The following MIAT variants were observed in gnomAD, a reference collection of about 807,000 sequenced individuals.
MIAT encodes myocardial infarction associated transcript, also known as MI related novel mRNA.
chr22:26,668,521 C>T lies in MIAT; in HGVS notation n.2626C>T, dbSNP rs1930932704. 2.5e-5 allele frequency: 10 copies of T among 398,992 alleles called. No individual in the cohort carries two copies. In the South Asian group the frequency reaches 5.1e-4, roughly 20 times the overall value. 24.7% of individuals were successfully genotyped at this position (398,992 alleles called of 1,614,324 possible). On this transcript the variant is annotated non_coding_transcript_exon_variant, in exon 6 of 6. Coordinates refer to ENST00000643270, the Ensembl canonical transcript of MIAT. ...GCCCCATGTGAACTTGATTCCTCCT[C>T]GCGTTTCTGCCGGTGACCAGACAGA...
chr22:26,646,600 C>A, exon 1 of MIAT: 1 of 396,802 alleles, frequency 2.5e-6, no homozygotes, highest in Non-Finnish European at 4.4e-6. Flanking sequence ...GCTCAGATCC[C>A]TTCTAGTTGT....
exon 2 of MIAT, chr22:26,647,212 G>A (rs1027740165): frequency 7.5e-6 from 3 of 398,436 alleles, no homozygotes; most frequent in Non-Finnish European, 1.3e-5. Flanking sequence ...AGCATTGGAA[G>A]CTTCAAGATT....
intron 2 of MIAT, among the ~76,000 whole-genome samples, chr22:26,656,990 A>C (rs1930477931): frequency 6.6e-6 from 1 of 152,264 alleles, no homozygotes; most frequent in African/African-American, 2.4e-5. Flanking sequence ...TACACGCATG[A>C]AGTTAACAGT....
At chr22:26,673,390 C>T (rs751733936), downstream of MIAT, 14 of 398,968 alleles carry the variant, frequency 3.5e-5, no homozygotes, top group African/African-American at 6.2e-5. Context: ...CTAATCCCTG[C>T]CTCACCCTGA....
Sources: gnomAD v4.1 joint callset for allele counts (sites outside exome capture counted in the v4.1 genomes callset) on GRCh38, gnomAD v4.1.1 for gene constraint, MANE v1.5 for transcripts, NCBI Gene and HGNC (gene_info 2026-07-23, HGNC 2026-07-21) for gene names.